The following STXBP5 variants were observed in gnomAD, a reference collection of about 807,000 sequenced individuals.
STXBP5 encodes syntaxin-binding protein 5.
A neutral mutation model predicts 152.4 loss-of-function variants in STXBP5; 50 were observed. The observed-to-expected ratio is 0.33, with a 90% confidence interval of 0.26 to 0.42. STXBP5 has a LOEUF of 0.42. Among genes scored for constraint, STXBP5 ranks in the 10% least tolerant of loss-of-function variants. STXBP5 has a pLI of 1.00. For synonymous variants in STXBP5, 492 were observed against 494.7 expected (o/e 0.99, Z 0.07); for missense variants, 1,167 against 1,388.6 (o/e 0.84, Z 2.54).
At chr6:147,231,637 CAA>C (rs1215318661) in intron 2 of STXBP5, among the ~76,000 whole-genome samples, 1 of 151,752 alleles carries the variant, frequency 6.6e-6, no homozygotes, top group Admixed American at 6.6e-5. Context: ...TATATAAAAA[CAA>C]ATATTAGAAT....
At chr6:147,275,224 G>C (rs1023576563) in intron 7 of STXBP5, among the ~76,000 whole-genome samples, 1 of 152,044 alleles carries the variant, frequency 6.6e-6, no homozygotes, top group Non-Finnish European at 1.5e-5. Flanking sequence ...TATCATAAAT[G>C]AAAATACTGA....
chr6:147,234,692 G>A (rs568134189), intron 2 of STXBP5, among the ~76,000 whole-genome samples: 5 of 152,026 alleles, frequency 3.3e-5, no homozygotes, highest in African/African-American at 9.6e-5. Flanking sequence ...TGTAGTAAAA[G>A]ATTGACACGT....
chr6:147,301,693 C>T (rs1414184015), intron 9 of STXBP5, among the ~76,000 whole-genome samples: 1 of 152,142 alleles, frequency 6.6e-6, no homozygotes, highest in East Asian at 1.9e-4. Flanking sequence ...TGATAAATTG[C>T]CATTCACTTT....
chr6:147,266,726 T>C (rs938381032), intron 6 of STXBP5, among the ~76,000 whole-genome samples: 2 of 152,146 alleles, frequency 1.3e-5, no homozygotes, highest in African/African-American at 4.8e-5. Flanking sequence ...GGGTATGATT[T>C]GGAACTAATC....
At chr6:147,256,095 C>T (rs998901545) in intron 4 of STXBP5, among the ~76,000 whole-genome samples, 27 of 152,142 alleles carry the variant, frequency 1.8e-4, no homozygotes, top group African/African-American at 6.3e-4. Flanking sequence ...AACGTATTGC[C>T]ATAGCTTCAA....
In STXBP5 at chr6:147,320,574, TGTGTG is replaced by T. The variant is rs1782879974; in HGVS notation, c.1802+4168_1802+4172del. Among the ~76,000 whole-genome samples, 4 of 126,320 alleles carry T rather than the reference TGTGTG, an allele frequency of 3.2e-5. 1 individual carries two copies. The highest frequency in any genetic ancestry group is 4.4e-4 in the East Asian group (2 of 4,586). The allele number at this position is 126,320 out of a possible 152,430, so 82.9% of individuals were successfully genotyped here. ...TTGAGTGTGTGTGTGTGTGTGTGTGTGTGTGTGTGTGTGTGTGTGTACACATGCTT... is the reference window on the plus strand; with the variant it reads ...TTGAGTGTGTGTGTGTGTGTGTGTGTTGTGTGTGTGTGTGTACACATGCTT... On this transcript the variant is annotated intron_variant, in intron 16 of 27. Transcript: ENST00000321680.
At chr6:147,329,460 TC>T (rs960326175) in intron 18 of STXBP5, among the ~76,000 whole-genome samples, 2 of 150,306 alleles carry the variant, frequency 1.3e-5, no homozygotes, top group Admixed American at 1.3e-4. Flanking sequence ...CTGACTCTGA[TC>T]CCCCCAAATT....
In STXBP5 at chr6:147,382,932, C is replaced by T. The variant is rs144604240; in HGVS notation, c.3348C>T (p.Gly1116=). Residue 1116 remains glycine (G), a synonymous_variant, in exon 27 of 28, where the codon GGC becomes GGT. Transcript: ENST00000321680. Reference sequence around the variant, plus strand: ...TAGATGAAAGAGGGCAGAAACTTGGCGATCTGGAAGAAAGAACTGCGGCCA... The same window carrying T: ...TAGATGAAAGAGGGCAGAAACTTGGTGATCTGGAAGAAAGAACTGCGGCCA... ...LALDERGQKL[G]DLEERTAAML... is the part of the protein sequence containing the mutation. 6.2e-6 allele frequency: 10 copies of T among 1,613,188 alleles called. No individual in the cohort carries two copies. The highest frequency in any genetic ancestry group is 1.3e-5 in the African/African-American group (1 of 74,806).
intron 2 of STXBP5, among the ~76,000 whole-genome samples, chr6:147,206,985 T>C (rs1776597817): frequency 6.9e-6 from 1 of 145,662 alleles, no homozygotes; most frequent in Admixed American, 6.8e-5. Context: ...GAGTAATGTG[T>C]TGGTGATAAA....
chr6:147,243,353 CT>C (rs1778644532), intron 4 of STXBP5, among the ~76,000 whole-genome samples: 1 of 152,064 alleles, frequency 6.6e-6, no homozygotes, highest in South Asian at 2.1e-4. Flanking sequence ...TATGGGTTAT[CT>C]TTTCATATTC....
intron 26 of STXBP5, among the ~76,000 whole-genome samples, chr6:147,375,807 T>C (rs992402039): frequency 3.3e-5 from 5 of 151,688 alleles, no homozygotes; most frequent in African/African-American, 1.2e-4. Context: ...TAGAGAAAAA[T>C]TATAGATATT....
chr6:147,299,227 T>C (rs897173866), intron 9 of STXBP5, among the ~76,000 whole-genome samples: 2 of 147,734 alleles, frequency 1.4e-5, no homozygotes, highest in Non-Finnish European at 3.0e-5. Flanking sequence ...TGAATAATTA[T>C]ATGCCAACAA....
intron 9 of STXBP5, 51 bp downstream of exon 9, chr6:147,291,223 G>A: frequency 7.1e-7 from 1 of 1,403,534 alleles, no homozygotes. Context: ...TCCTCAAATA[G>A]CATGGAAGGC....
Position 147,235,289 on chromosome 6 carries a change from C to T in STXBP5, c.288C>T (p.Asp96=), listed in dbSNP as rs772830103. 1.2e-6 allele frequency: 2 copies of T among 1,613,256 alleles called. No homozygotes were observed. The highest frequency in any genetic ancestry group is 2.7e-5 in the African/African-American group (2 of 74,884). ...RPGVECYCQH[D]SGAAVIQLQF... ...GAGTAGAATGTTATTGCCAGCATGA[C>T]AGTGGAGCTGCAGTAATCCAGCTCC... The change falls in exon 3 of 28, where the codon GAC becomes GAT. Residue 96 remains aspartate (D), a synonymous_variant. Coordinates refer to ENST00000321680, the MANE Select transcript of STXBP5 (RefSeq NM_001127715.4).
chr6:147,341,736 C>T (rs988416524), intron 21 of STXBP5, among the ~76,000 whole-genome samples: 1 of 151,718 alleles, frequency 6.6e-6, no homozygotes, highest in African/African-American at 2.4e-5. Context: ...AATGGTTAAC[C>T]CAAGCATGGG....
In STXBP5 at chr6:147,239,047, A is replaced by C. The variant is rs527511953; in HGVS notation, c.331-123A>C. The C allele has an allele frequency of 3.8e-4, 290 of 773,132 alleles. 1 individual carries two copies. Among genetic ancestry groups the C allele is most frequent in the Non-Finnish European group, 4.0e-4 (200 of 501,856 alleles). The allele number at this position is 773,132 out of a possible 1,614,324, so 47.9% of individuals were successfully genotyped here. A position where few individuals can be genotyped will look rare whatever the true frequency, so the allele number is the denominator to read the frequency against. On this transcript the variant is annotated intron_variant, in intron 3 of 27. Transcript: ENST00000321680. ...AATTTGAATGAGGCAAATGTTTCTT[A>C]GATCTAAATCTGTTGGCAGAAAGTT... is the stretch of plus-strand genomic sequence containing the variant.
chr6:147,335,705 C>T (rs1356208039), intron 19 of STXBP5, among the ~76,000 whole-genome samples: 2 of 151,938 alleles, frequency 1.3e-5, no homozygotes, highest in Non-Finnish European at 2.9e-5. Flanking sequence ...GAGGCTGAGG[C>T]AGGAGAATGG....
intron 26 of STXBP5, among the ~76,000 whole-genome samples, chr6:147,380,977 C>T (rs1000563511): frequency 2.0e-5 from 3 of 152,070 alleles, no homozygotes; most frequent in East Asian, 3.9e-4. Flanking sequence ...ACAATCATGG[C>T]GGAAGACCAA....
chr6:147,298,491 T>C (rs1379343748), intron 9 of STXBP5, among the ~76,000 whole-genome samples: 1 of 152,070 alleles, frequency 6.6e-6, no homozygotes, highest in Non-Finnish European at 1.5e-5. Flanking sequence ...GGATCTAACA[T>C]ACATTTATAG....
Sources: allele counts gnomAD v4.1 joint callset (sites outside exome capture counted in the v4.1 genomes callset), GRCh38; gene constraint gnomAD v4.1.1; transcripts MANE v1.5; gene names NCBI Gene and HGNC (gene_info 2026-07-23, HGNC 2026-07-21).